The following ALCAM variants were observed in gnomAD, a reference collection of about 807,000 sequenced individuals.
ALCAM encodes CD166 antigen.
Under a neutral mutation model 70.9 loss-of-function variants are expected in ALCAM, and 30 were observed. That is an observed-to-expected ratio of 0.42 (90% confidence interval 0.32 to 0.57). The LOEUF (loss-of-function observed/expected upper bound fraction) is 0.57, where lower values mean the gene tolerates loss of function less well. Ranked by LOEUF, ALCAM falls within the 20% of genes least tolerant of loss-of-function variation. The pLI is 0.11. For synonymous variants in ALCAM, 249 were observed against 242.5 expected (o/e 1.03, Z -0.25); for missense variants, 591 against 695.1 (o/e 0.85, Z 1.68).
At chr3:105,498,643 T>G (rs1938829933) in intron 1 of ALCAM, among the ~76,000 whole-genome samples, 1 of 152,186 alleles carries the variant, frequency 6.6e-6, no homozygotes, top group African/African-American at 2.4e-5. Flanking sequence ...TTTATAACAC[T>G]TCAAAGTTTT....
At chr3:105,556,462 A>G (rs548895) in intron 14 of ALCAM, among the ~76,000 whole-genome samples, 1 of 152,034 alleles carries the variant, frequency 6.6e-6, no homozygotes, top group Non-Finnish European at 1.5e-5. Context: ...TTAGTGTGTA[A>G]TATAGAAATA....
chr3:105,401,230 A>G (rs893373954), intron 1 of ALCAM, among the ~76,000 whole-genome samples: 1 of 152,220 alleles, frequency 6.6e-6, no homozygotes, highest in Admixed American at 6.5e-5. Flanking sequence ...ATAGAAATAA[A>G]TGTAAGTAGA....
intron 1 of ALCAM, among the ~76,000 whole-genome samples, chr3:105,430,536 A>G (rs1007701438): frequency 5.3e-5 from 8 of 152,130 alleles, no homozygotes; most frequent in Admixed American, 4.6e-4. Context: ...AACAGAGGCA[A>G]AATGGCATTC....
chr3:105,546,865 T>A (rs992824488), intron 9 of ALCAM, among the ~76,000 whole-genome samples: 1 of 151,378 alleles, frequency 6.6e-6, no homozygotes, highest in African/African-American at 2.4e-5. Context: ...GGCTATTTTT[T>A]AAAATTAAAT....
intron 1 of ALCAM, among the ~76,000 whole-genome samples, chr3:105,384,795 T>A (rs975512317): frequency 4.6e-5 from 7 of 151,616 alleles, no homozygotes; most frequent in African/African-American, 1.7e-4. Flanking sequence ...TTTAATTTTT[T>A]AAATTATAAA....
At chr3:105,537,268 C>G (rs955171161) in intron 6 of ALCAM, among the ~76,000 whole-genome samples, 1 of 152,130 alleles carries the variant, frequency 6.6e-6, no homozygotes, top group African/African-American at 2.4e-5. Flanking sequence ...CTCATTGCCT[C>G]TATTCCTGCG....
chr3:105,547,351 A>G, intron 10 of ALCAM, 39 bp from the exon 11 acceptor site: 2 of 1,579,164 alleles, frequency 1.3e-6, no homozygotes, highest in South Asian at 1.2e-5. Context: ...TTCTTTTATG[A>G]TCTCAGTTCA....
intron 14 of ALCAM, among the ~76,000 whole-genome samples, chr3:105,569,316 G>C (rs1940813131): frequency 6.6e-6 from 1 of 152,110 alleles, no homozygotes; most frequent in African/African-American, 2.4e-5. Flanking sequence ...GAAGAAAAAA[G>C]AGAGGAGAGA....
At chr3:105,417,797 A>G (rs1354412131) in intron 1 of ALCAM, among the ~76,000 whole-genome samples, 1 of 151,828 alleles carries the variant, frequency 6.6e-6, no homozygotes, top group Non-Finnish European at 1.5e-5. Context: ...TAAAGCATTC[A>G]TGCCATTTTA....
In ALCAM at chr3:105,539,968, CTT is replaced by C; in HGVS notation, c.731-6_731-5del. ...AAATGGTTAACTTGTGTCTGTAACTCTTACAGATCCTACAGAGCAGGTGACAA... is the reference window on the plus strand; with the variant it reads ...AAATGGTTAACTTGTGTCTGTAACTCACAGATCCTACAGAGCAGGTGACAA... On this transcript the variant is annotated splice_polypyrimidine_tract_variant and splice_region_variant and intron_variant, in intron 6 of 15. Coordinates refer to ENST00000306107, the MANE Select transcript of ALCAM (RefSeq NM_001627.4). 1 of 1,611,050 alleles carries C rather than the reference CTT, an allele frequency of 6.2e-7. No homozygotes were observed. Among genetic ancestry groups the C allele is most frequent in the Middle Eastern group, 1.7e-4 (1 of 6,040 alleles).
At chr3:105,498,471 C>A (rs1294345210) in intron 1 of ALCAM, among the ~76,000 whole-genome samples, 2 of 151,520 alleles carry the variant, frequency 1.3e-5, no homozygotes, top group African/African-American at 4.9e-5. Context: ...TCCTTGACAC[C>A]ACCATGTTTT....
intron 1 of ALCAM, among the ~76,000 whole-genome samples, chr3:105,427,323 G>T (rs2107429170): frequency 6.6e-6 from 1 of 151,966 alleles, no homozygotes; most frequent in South Asian, 2.1e-4. Flanking sequence ...CTCTACTGTT[G>T]CTTTTGTTCC....
chr3:105,475,628 C>T (rs1196895076), intron 1 of ALCAM, among the ~76,000 whole-genome samples: 1 of 151,930 alleles, frequency 6.6e-6, no homozygotes, highest in Non-Finnish European at 1.5e-5. Flanking sequence ...AATGTAACTA[C>T]TTTATAAATT....
chr3:105,460,908 T>G (rs1329632770), intron 1 of ALCAM, among the ~76,000 whole-genome samples: 1 of 151,376 alleles, frequency 6.6e-6, no homozygotes, highest in Non-Finnish European at 1.5e-5. Flanking sequence ...TTTAGATATA[T>G]GTTTTCAATT....
At chr3:105,401,083 T>C (rs1936077557) in intron 1 of ALCAM, among the ~76,000 whole-genome samples, 1 of 152,204 alleles carries the variant, frequency 6.6e-6, no homozygotes, top group South Asian at 2.1e-4. Context: ...ACCAGAAGTG[T>C]ATTTTCCATG....
intron 1 of ALCAM, among the ~76,000 whole-genome samples, chr3:105,443,475 G>A (rs1343633330): frequency 6.6e-6 from 1 of 151,986 alleles, no homozygotes. Context: ...AAAACCATAG[G>A]TATCTAAAAG....
Position 105,547,491 on chromosome 3 carries a change from A to G in ALCAM, c.1342A>G (p.Thr448Ala). The G allele has an allele frequency of 2.5e-6, 4 of 1,610,622 alleles. No individual in the cohort carries two copies. The highest frequency in any genetic ancestry group is 3.4e-6 in the Non-Finnish European group (4 of 1,177,634). The change falls in exon 11 of 16, where the codon ACA becomes GCA. Residue 448 changes from threonine (T) to alanine (A), a missense_variant. Thr to Ala is a moderately conservative substitution (Grantham distance 58). Around this residue, in one of 2 missense-constraint regions of ALCAM, gnomAD observed 164 missense variants for 244.7 expected, o/e 0.67. Transcript: ENST00000306107. ...TTTTCCAAAGCCAGCCATTCAATGG[A>G]CAATTACTGGCAGTGGAAGCGTCAT... ...EGFPKPAIQW[T>A]ITGSGSVINQ...
chr3:105,517,431 G>A (rs1939412848), intron 1 of ALCAM, among the ~76,000 whole-genome samples: 1 of 152,016 alleles, frequency 6.6e-6, no homozygotes, highest in Non-Finnish European at 1.5e-5. Flanking sequence ...GCTCTTCAAA[G>A]TTCTTTCCTG....
At chr3:105,509,639 A>G (rs1314623100) in intron 1 of ALCAM, among the ~76,000 whole-genome samples, 1 of 151,868 alleles carries the variant, frequency 6.6e-6, no homozygotes, top group Non-Finnish European at 1.5e-5. Context: ...TATCAGGTAT[A>G]TGGTTTGCAA....
Sources: gnomAD v4.1 joint callset for allele counts (sites outside exome capture counted in the v4.1 genomes callset) on GRCh38, gnomAD v4.1.1 for gene constraint, gnomAD v4.1.1 regional missense constraint, MANE v1.5 for transcripts, NCBI Gene and HGNC (gene_info 2026-07-23, HGNC 2026-07-21) for gene names.